The following TCF12 variants were observed in gnomAD, a reference collection of about 807,000 sequenced individuals.
TCF12 encodes the protein transcription factor 12, also known as DNA-binding protein HTF4.
Under a neutral mutation model 86.0 loss-of-function variants are expected in TCF12, and 45 were observed. That is an observed-to-expected ratio of 0.52 (90% CI 0.41 to 0.67). The LOEUF is 0.67. Among genes scored for constraint, TCF12 ranks in the 30% least tolerant of loss-of-function variants. The probability of loss-of-function intolerance (pLI) is 0.00; values close to 1 mark genes in which losing one functional copy is unlikely to be tolerated. For missense variants in TCF12, 881 were observed against 859.9 expected (o/e 1.02, Z -0.31); for synonymous variants, 330 against 299.6 (o/e 1.10, Z -1.05).
chr15:57,064,812 A>AAAAG (rs554263213), intron 4 of TCF12, among the ~76,000 whole-genome samples: 36,386 of 121,880 alleles, frequency 0.3, 7,959 homozygotes, highest in Non-Finnish European at 0.44. Context: ...AAAAAAAAAA[A>AAAAG]AGAGAGAGAG....
At chr15:57,020,301 T>A (rs2957573) in intron 3 of TCF12, among the ~76,000 whole-genome samples, 2 of 152,192 alleles carry the variant, frequency 1.3e-5, no homozygotes, top group South Asian at 4.2e-4. Context: ...TGTACTGAGC[T>A]CATCTTGAGG....
chr15:57,284,674 T>TAGAA (rs2152145494), intron 20 of TCF12, among the ~76,000 whole-genome samples: 1 of 152,394 alleles, frequency 6.6e-6, no homozygotes, highest in African/African-American at 2.4e-5. Context: ...CTAGGCATTC[T>TAGAA]GCCCTAACAC....
intron 6 of TCF12, among the ~76,000 whole-genome samples, chr15:57,190,266 A>G (rs1408881509): frequency 2.6e-5 from 4 of 152,218 alleles, no homozygotes; most frequent in African/African-American, 9.6e-5. Flanking sequence ...TAAAAAGCTC[A>G]AACACCAAAG....
In TCF12 at chr15:57,192,188, G is replaced by A. The variant is rs74417805; in HGVS notation, c.421G>A (p.Gly141Arg). The change falls in exon 7 of 21, where the codon GGG (glycine) becomes AGG (arginine). Residue 141 changes from glycine (G) to arginine (R), a missense_variant. Transcript: ENST00000333725. ...SSLLRQDLGL[G>R]SPAQLSSSGK... ...TCTCCTGAGACAAGATCTGGGGCTTGGGAGCCCAGCACAGCTATCTTCTTC... is the reference window on the plus strand; with the variant it reads ...TCTCCTGAGACAAGATCTGGGGCTTAGGAGCCCAGCACAGCTATCTTCTTC... The A allele has an allele frequency of 9.4e-5, 152 of 1,613,878 alleles. No homozygotes were observed. Among genetic ancestry groups the A allele is most frequent in the Non-Finnish European group, 1.2e-4 (144 of 1,179,966 alleles).
chr15:57,058,937 C>T (rs2068236344), intron 3 of TCF12, among the ~76,000 whole-genome samples: 1 of 152,004 alleles, frequency 6.6e-6, no homozygotes, highest in Non-Finnish European at 1.5e-5. Context: ...GCCTTTGAGT[C>T]TTATCTAAAG....
At chr15:57,039,655 C>G (rs537734008) in intron 3 of TCF12, among the ~76,000 whole-genome samples, 1 of 152,026 alleles carries the variant, frequency 6.6e-6, no homozygotes, top group Admixed American at 6.5e-5. Context: ...TTACCCTCAG[C>G]CCCCAAAATA....
At chr15:57,157,969 A>G (rs2054232081) in intron 5 of TCF12, among the ~76,000 whole-genome samples, 1 of 152,158 alleles carries the variant, frequency 6.6e-6, no homozygotes, top group East Asian at 1.9e-4. Flanking sequence ...ACCCTCTCAA[A>G]TTGAATTGTG....
At chr15:57,069,749 C>A (rs1490761486) in intron 4 of TCF12, among the ~76,000 whole-genome samples, 1 of 152,116 alleles carries the variant, frequency 6.6e-6, no homozygotes, top group African/African-American at 2.4e-5. Context: ...TACTTCCCAA[C>A]TCAAAGAACT....
At chr15:57,241,825 T>C (rs1163707792) in intron 12 of TCF12, among the ~76,000 whole-genome samples, 3 of 152,118 alleles carry the variant, frequency 2.0e-5, no homozygotes, top group African/African-American at 7.2e-5. Context: ...AAATCTTTTC[T>C]CTACTAAAAA....
intron 13 of TCF12, chr15:57,247,932 A>G: frequency 1.3e-6 from 1 of 757,940 alleles, no homozygotes; most frequent in Non-Finnish European, 2.4e-6. Context: ...GACCACCAGT[A>G]AAAAGTTTTT....
At chr15:57,251,200 G>T in intron 13 of TCF12, 150 bp from the exon 14 acceptor site, 3 of 514,634 alleles carry the variant, frequency 5.8e-6, no homozygotes, top group Non-Finnish European at 6.9e-6. Flanking sequence ...AAATGTGTTG[G>T]GCTTATAAGT....
chr15:56,996,332 G>T (rs1462143802), intron 3 of TCF12, among the ~76,000 whole-genome samples: 1 of 152,046 alleles, frequency 6.6e-6, no homozygotes, highest in East Asian at 1.9e-4. Flanking sequence ...GAACCCAAAA[G>T]TAAAGCCACA....
intron 3 of TCF12, among the ~76,000 whole-genome samples, chr15:56,985,157 C>T (rs1219195977): frequency 6.6e-6 from 1 of 152,120 alleles, no homozygotes; most frequent in African/African-American, 2.4e-5. Flanking sequence ...TATTTCCTTC[C>T]AGTGCTTCTA....
At chr15:57,246,350 A>C (rs1387389231) in intron 13 of TCF12, among the ~76,000 whole-genome samples, 3 of 152,154 alleles carry the variant, frequency 2.0e-5, no homozygotes, top group African/African-American at 7.2e-5. Context: ...GAAGGTTCTG[A>C]GATATTGTAT....
At chr15:57,011,097 G>A (rs767455752) in intron 3 of TCF12, among the ~76,000 whole-genome samples, 24 of 152,076 alleles carry the variant, frequency 1.6e-4, no homozygotes, top group Non-Finnish European at 3.1e-4. Flanking sequence ...GTTCACTGTA[G>A]CAATCATTTT....
At chr15:57,129,767 C>T (rs1328260974) in intron 5 of TCF12, 1 of 152,208 alleles carries the variant, frequency 6.6e-6, no homozygotes, top group Non-Finnish European at 1.5e-5. Flanking sequence ...TTTCTTCTTT[C>T]CCATTCCTTC....
intron 12 of TCF12, among the ~76,000 whole-genome samples, chr15:57,242,184 G>A (rs1254056774): frequency 6.6e-6 from 1 of 152,106 alleles, no homozygotes; most frequent in African/African-American, 2.4e-5. Flanking sequence ...TTTATTCAAA[G>A]CAAGGTCATT....
chr15:57,164,744 G>A (rs192821270), intron 5 of TCF12, among the ~76,000 whole-genome samples: 4 of 152,218 alleles, frequency 2.6e-5, no homozygotes, highest in African/African-American at 7.2e-5. Context: ...ACAATGGCAC[G>A]ATCTTGGCTG....
intron 3 of TCF12, among the ~76,000 whole-genome samples, chr15:57,049,044 G>A (rs2067432855): frequency 6.6e-6 from 1 of 152,110 alleles, no homozygotes; most frequent in East Asian, 1.9e-4. Context: ...CATGTTGACC[G>A]TGGTCACGTC....
Sources: allele counts gnomAD v4.1 joint callset (sites outside exome capture counted in the v4.1 genomes callset), GRCh38; gene constraint gnomAD v4.1.1; transcripts MANE v1.5; gene names NCBI Gene and HGNC (gene_info 2026-07-23, HGNC 2026-07-21).